The following TRIM69 variants were observed in gnomAD, a reference collection of about 807,000 sequenced individuals.
TRIM69 encodes E3 ubiquitin-protein ligase TRIM69.
In TRIM69, 29 loss-of-function variants were observed where a neutral mutation model predicts 37.7. The observed-to-expected ratio is 0.77, with a 90% CI of 0.57 to 1.05. TRIM69 has a LOEUF of 1.05. Ranked by LOEUF, TRIM69 falls within the 50% of genes least tolerant of loss-of-function variation. The probability of loss-of-function intolerance (pLI) is 0.00; values close to 1 mark genes in which losing one functional copy is unlikely to be tolerated. For missense variants in TRIM69, 596 were observed against 579.9 expected, an observed-to-expected ratio of 1.03 and a Z score of -0.28; for synonymous variants, 209 against 212.4, an observed-to-expected ratio of 0.98 and a Z score of 0.14.
intron 1 of TRIM69, chr15:44,754,527 C>A (rs920036048): frequency 1.1e-4 from 19 of 178,174 alleles, no homozygotes; most frequent in Non-Finnish European, 2.2e-4. Context: ...ATTGATTTTC[C>A]AATTCTTTGT....
chr15:44,743,295 C>A (rs1461133887), intron 1 of TRIM69, among the ~76,000 whole-genome samples: 1 of 152,188 alleles, frequency 6.6e-6, no homozygotes, highest in Admixed American at 6.5e-5. Context: ...CTTCCCTACA[C>A]CTTATACAAA....
chr15:44,738,435 CCTGACTCGAGTTT>C (rs1309451567), intron 1 of TRIM69, among the ~76,000 whole-genome samples: 1 of 152,030 alleles, frequency 6.6e-6, no homozygotes, highest in Non-Finnish European at 1.5e-5. Context: ...AATATCAATT[CCTGACTCGAGTTT>C]CTCTCTCTCT....
intron 6 of TRIM69, among the ~76,000 whole-genome samples, chr15:44,760,646 G>A (rs915867433): frequency 6.6e-6 from 1 of 151,996 alleles, no homozygotes; most frequent in African/African-American, 2.4e-5. Flanking sequence ...TTAACATAGA[G>A]TAAAATTATC....
chr15:44,765,657 A>C (rs1596039078), intron 6 of TRIM69, among the ~76,000 whole-genome samples: 1 of 18,784 alleles, frequency 5.3e-5, no homozygotes, highest in African/African-American at 1.8e-4. Context: ...AGGAGGCTGA[A>C]GCAGGAGAAT....
At position 44,759,672 on chromosome 15, in the gene TRIM69, T is replaced by G; in HGVS notation, c.836+10T>G. ...CAACTCTCTTACATAGGTAAGTGTT[T>G]CCCTATGGTACTATTAATATCATTC... On this transcript the variant is annotated intron_variant, in intron 5 of 6. Transcript: ENST00000329464. The G allele has an allele frequency of 1.9e-6, 3 of 1,614,152 alleles. No homozygotes were observed. Among genetic ancestry groups the G allele is most frequent in the Non-Finnish European group, 2.5e-6 (3 of 1,180,000 alleles).
At chr15:44,743,004 C>G (rs1170361089) in intron 1 of TRIM69, among the ~76,000 whole-genome samples, 13 of 151,876 alleles carry the variant, frequency 8.6e-5, no homozygotes, top group Non-Finnish European at 1.9e-4. Flanking sequence ...CCCGCATCGC[C>G]AAGTCAATCC....
chr15:44,767,053 CAAAAAAAAAAAAAAAAAA>C (rs55736812), intron 6 of TRIM69, among the ~76,000 whole-genome samples, 160 bp from the exon 7 acceptor site: 7 of 24,312 alleles, frequency 2.9e-4, no homozygotes, highest in African/African-American at 4.6e-4. Flanking sequence ...TTGTCTGCCT[CAAAAAAAAAAAAAAAAAA>C]AAAAAAAAAA....
rs928410216 is a variant in TRIM69, at chr15:44,755,271, T to C, written c.378T>C (p.Ser126=). The C allele has an allele frequency of 6.2e-7, 1 of 1,614,208 alleles. No individual in the cohort carries two copies. The highest frequency in any genetic ancestry group is 8.5e-7 in the Non-Finnish European group (1 of 1,180,048). ...PEHGENLKLF[S]KPDGKLICFQ... is the part of the protein sequence containing the mutation. ...ATGGAGAGAACCTGAAACTGTTCAG[T>C]AAACCAGATGGGAAACTGATCTGCT... The change falls in exon 2 of 7, where the codon AGT becomes AGC. Residue 126 remains serine (S), a synonymous_variant. Coordinates refer to ENST00000329464, the MANE Select transcript of TRIM69 (RefSeq NM_182985.5).
intron 1 of TRIM69, among the ~76,000 whole-genome samples, chr15:44,738,844 A>G (rs191460882): frequency 2.6e-4 from 39 of 152,318 alleles, no homozygotes; most frequent in Admixed American, 1.2e-3. Flanking sequence ...GAAATAATGT[A>G]TGTAAATCCT....
Position 44,767,383 on chromosome 15 carries a change from G to C in TRIM69, c.1114G>C (p.Gly372Arg), listed in dbSNP as rs773490840. 2 of 1,614,164 alleles carry C rather than the reference G, an allele frequency of 1.2e-6. No individual in the cohort carries two copies. Among genetic ancestry groups the C allele is most frequent in the Non-Finnish European group, 8.5e-7 (1 of 1,180,034 alleles). ...AAGTGTGGCTGTACTGGGCTCAAGA[G>C]GCTTCACCTCTGGAAAGTGGTACTG... ...DSSVAVLGSR[G>R]FTSGKWYWEV... The change falls in exon 7 of 7, where the codon GGC (glycine) becomes CGC (arginine). Residue 372 changes from glycine (G) to arginine (R), a missense_variant. Physicochemically the swap from Gly to Arg is moderately radical, Grantham distance 125. Transcript: ENST00000329464.
chr15:44,751,381 G>T (rs2087526952), intron 1 of TRIM69, among the ~76,000 whole-genome samples: 1 of 152,146 alleles, frequency 6.6e-6, no homozygotes, highest in African/African-American at 2.4e-5. Context: ...CTCCCAAAGT[G>T]CTAGGATTAC....
chr15:44,756,117 C>T (rs910799490), intron 2 of TRIM69, among the ~76,000 whole-genome samples: 1 of 151,928 alleles, frequency 6.6e-6, no homozygotes, highest in East Asian at 1.9e-4. Context: ...GTCTCAAACT[C>T]CTGGGCCCAA....
rs55736812 is a variant in TRIM69 at position 44,767,053 on chromosome 15, C to CAAAAAAAAAAAAAAA, written c.962-161_962-147dup. 6.0e-3 allele frequency among the ~76,000 whole-genome samples: 147 copies of CAAAAAAAAAAAAAAA among 24,314 alleles called. 43 individuals are homozygous for CAAAAAAAAAAAAAAA. The highest frequency in any genetic ancestry group is 7.0e-3 in the Non-Finnish European group (101 of 14,436). The allele number at this position is 24,314 out of a possible 152,430, so 16.0% of individuals were successfully genotyped here. ...CAGCCCTGGGCAACCTTGTCTGCCT[C>CAAAAAAAAAAAAAAA]AAAAAAAAAAAAAAAAAAAAAAAAA... On this transcript the variant is annotated intron_variant, in intron 6 of 6. Transcript: ENST00000329464.
At chr15:44,751,748 T>C (rs1168304514) in intron 1 of TRIM69, among the ~76,000 whole-genome samples, 2 of 152,158 alleles carry the variant, frequency 1.3e-5, no homozygotes, top group Non-Finnish European at 2.9e-5. Context: ...CTGTGTGTTT[T>C]TGTTTATTTG....
intron 1 of TRIM69, among the ~76,000 whole-genome samples, chr15:44,747,513 T>G (rs1279895568): frequency 6.6e-6 from 1 of 152,092 alleles, no homozygotes; most frequent in Non-Finnish European, 1.5e-5. Context: ...CAGAAAGTTA[T>G]GGAGTTAGAA....
At position 44,767,352 on chromosome 15, in the gene TRIM69, T is replaced by C; in HGVS notation, c.1083T>C (p.Phe361=). The change falls in exon 7 of 7, where the codon TTT becomes TTC. Residue 361 remains phenylalanine (F), a synonymous_variant. Transcript: ENST00000329464. ...KKIMPDDPER[F]DSSVAVLGSR... ...TAATGCCTGATGATCCTGAGAGGTT[T>C]GACTCAAGTGTGGCTGTACTGGGCT... is the stretch of plus-strand genomic sequence containing the variant. The C allele has an allele frequency of 6.2e-7, 1 of 1,614,130 alleles. No homozygotes were observed.
At chr15:44,751,006 A>G (rs1260425539) in intron 1 of TRIM69, among the ~76,000 whole-genome samples, 1 of 128,062 alleles carries the variant, frequency 7.8e-6, no homozygotes, top group African/African-American at 3.1e-5. Flanking sequence ...CCCAGGCTAC[A>G]GTGCAGTGGA....
chr15:44,754,836 C>A, intron 1 of TRIM69, 64 bp from the exon 2 acceptor site: 2 of 1,224,636 alleles, frequency 1.6e-6, no homozygotes, highest in Non-Finnish European at 2.3e-6. Flanking sequence ...ATGGCGCCAT[C>A]ATCCTGGAGT....
chr15:44,743,608 A>C (rs2087339734), intron 1 of TRIM69, among the ~76,000 whole-genome samples: 1 of 152,244 alleles, frequency 6.6e-6, no homozygotes, highest in Non-Finnish European at 1.5e-5. Flanking sequence ...GAACTCAAAC[A>C]AATTTACAAG....
Sources: gnomAD v4.1 joint callset for allele counts (sites outside exome capture counted in the v4.1 genomes callset) on GRCh38, gnomAD v4.1.1 for gene constraint, MANE v1.5 for transcripts, NCBI Gene and HGNC (gene_info 2026-07-23, HGNC 2026-07-21) for gene names.